The following KLRG1 variants were observed in gnomAD, a reference collection of about 807,000 sequenced individuals.
KLRG1 encodes the protein killer cell lectin-like receptor subfamily G member 1.
A neutral mutation model predicts 21.8 loss-of-function variants in KLRG1; 16 were observed. The ratio of observed to expected loss-of-function variants is 0.73; its 90% CI spans 0.50 to 1.11. The LOEUF is 1.11. Among genes scored for constraint, KLRG1 ranks in the 50% most tolerant of loss-of-function variants. KLRG1 has a pLI of 0.00. For synonymous variants in KLRG1, 69 were observed against 75.9 expected (o/e 0.91, Z 0.47); for missense variants, 173 against 218.3 (o/e 0.79, Z 1.31).
chr12:9,098,638 A>C, the KLRG1 span: 1 of 1,608,568 alleles, frequency 6.2e-7, no homozygotes, highest in South Asian at 1.1e-5. Context: ...ATCAGGCTTC[A>C]TGAGCAGCAC....
the KLRG1 span, chr12:9,162,673 G>A: frequency 6.5e-7 from 1 of 1,540,036 alleles, no homozygotes; most frequent in Non-Finnish European, 9.0e-7. Flanking sequence ...AAGAAAAGGA[G>A]AAAAGATAGA....
the KLRG1 span, chr12:9,113,478 A>G: frequency 1.2e-6 from 2 of 1,607,160 alleles, no homozygotes; most frequent in Non-Finnish European, 1.7e-6. Context: ...CAGGTAGCTC[A>G]GAAGGACACA....
chr12:9,135,525 C>T, the KLRG1 span: 11 of 356,076 alleles, frequency 3.1e-5, no homozygotes, highest in African/African-American at 2.3e-4. Flanking sequence ...GCTGAATAAA[C>T]TGTAAGGACG....
the KLRG1 span, among the ~76,000 whole-genome samples, chr12:9,194,891 G>C: frequency 6.6e-6 from 1 of 152,150 alleles, no homozygotes; most frequent in Non-Finnish European, 1.5e-5. Context: ...ATGCTTGGCT[G>C]TGTTCTGAAC....
chr12:9,039,256 T>C, the KLRG1 span, among the ~76,000 whole-genome samples: 1 of 152,266 alleles, frequency 6.6e-6, no homozygotes, highest in African/African-American at 2.4e-5. Context: ...GGCTACTCTA[T>C]GCTTTTACTG....
chr12:9,187,392 T>C, the KLRG1 span, among the ~76,000 whole-genome samples: 4 of 152,186 alleles, frequency 2.6e-5, no homozygotes, highest in African/African-American at 9.6e-5. Flanking sequence ...TCTTCTCAAC[T>C]GCACACGGCA....
intron 3 of KLRG1, among the ~76,000 whole-genome samples, chr12:8,999,278 A>C (rs1487834648): frequency 6.6e-6 from 1 of 152,034 alleles, no homozygotes; most frequent in Admixed American, 6.6e-5. Flanking sequence ...GGTTCCTTAT[A>C]GTTATTGGTA....
Position 8,995,950 on chromosome 12 carries a change from G to A in KLRG1, c.357+662G>A, listed in dbSNP as rs779100642. ...GCCCGCCTCGGCCTCCCAAAGTGCT[G>A]GGATTACAGGCATGAGCCACCGTGC... On this transcript the variant is annotated intron_variant, in intron 3 of 4. Coordinates refer to ENST00000356986, the MANE Select transcript of KLRG1 (RefSeq NM_005810.4). 5.3e-5 allele frequency among the ~76,000 whole-genome samples: 8 copies of A among 152,226 alleles called. No individual in the cohort carries two copies. In the East Asian group the frequency reaches 5.8e-4, roughly 11 times the overall value.
the KLRG1 span, chr12:9,158,355 C>A: frequency 6.3e-7 from 1 of 1,578,854 alleles, no homozygotes; most frequent in African/African-American, 1.3e-5. Flanking sequence ...CCTCCTTCCT[C>A]CCTTCACCCC....
the KLRG1 span, among the ~76,000 whole-genome samples, chr12:9,130,993 T>C: frequency 6.6e-6 from 1 of 152,144 alleles, no homozygotes; most frequent in Non-Finnish European, 1.5e-5. Context: ...AAAATAAAGG[T>C]TTAACTTTCA....
At chr12:9,190,195 A>G in the KLRG1 span, among the ~76,000 whole-genome samples, 269 of 152,296 alleles carry the variant, frequency 1.8e-3, 1 homozygote, top group Middle Eastern at 3.4e-3. Flanking sequence ...ATGCACACAT[A>G]TGTTCATTGC....
chr12:9,208,883 T>C, the KLRG1 span, among the ~76,000 whole-genome samples: 4 of 152,136 alleles, frequency 2.6e-5, no homozygotes, highest in South Asian at 2.1e-4. Flanking sequence ...CAATGAAAGA[T>C]AAAAGAGATA....
At chr12:9,080,103 A>G in the KLRG1 span, 2 of 1,585,090 alleles carry the variant, frequency 1.3e-6, no homozygotes, top group East Asian at 4.6e-5. Context: ...CCCAAAACTG[A>G]GACAGAAGCT....
the KLRG1 span, chr12:9,107,560 T>C: frequency 1.2e-6 from 2 of 1,613,888 alleles, no homozygotes; most frequent in African/African-American, 2.7e-5. Context: ...CCTGTGAATC[T>C]TCACCGTGGC....
At chr12:9,201,303 T>G in the KLRG1 span, 5 of 1,515,098 alleles carry the variant, frequency 3.3e-6, no homozygotes, top group South Asian at 4.5e-5. Flanking sequence ...AATTTCCTTA[T>G]AAGATACTTT....
the KLRG1 span, among the ~76,000 whole-genome samples, chr12:9,146,380 C>A: frequency 6.6e-6 from 1 of 151,688 alleles, no homozygotes; most frequent in African/African-American, 2.4e-5. Flanking sequence ...CCTTTTGATA[C>A]TTTTTGTGGT....
the KLRG1 span, chr12:9,160,206 T>C: frequency 4.1e-6 from 5 of 1,218,538 alleles, no homozygotes; most frequent in African/African-American, 4.6e-5. Context: ...AAGATTGTTG[T>C]TTTCATAAAA....
chr12:9,214,875 G>A, the KLRG1 span, among the ~76,000 whole-genome samples: 3 of 151,796 alleles, frequency 2.0e-5, no homozygotes, highest in African/African-American at 7.3e-5. Context: ...GGCAACTCTT[G>A]CTTTTGCCTT....
the KLRG1 span, among the ~76,000 whole-genome samples, chr12:9,093,245 G>T: frequency 1.3e-5 from 2 of 151,974 alleles, no homozygotes; most frequent in Non-Finnish European, 2.9e-5. Flanking sequence ...AGGTGTGCTT[G>T]CTATGCACAC....
Sources: allele counts gnomAD v4.1 joint callset (sites outside exome capture counted in the v4.1 genomes callset), GRCh38; gene constraint gnomAD v4.1.1; transcripts MANE v1.5; gene names NCBI Gene and HGNC (gene_info 2026-07-23, HGNC 2026-07-21).